Variants in NAALADL2 observed in about 807,000 individuals in gnomAD.
NAALADL2 encodes N-acetylated alpha-linked acidic dipeptidase like 2, also known as inactive N-acetylated-alpha-linked acidic dipeptidase-like protein 2.
Under a neutral mutation model 87.2 loss-of-function variants are expected in NAALADL2, and 76 were observed. The ratio of observed to expected loss-of-function variants is 0.87; its 90% CI spans 0.72 to 1.05. The LOEUF (loss-of-function observed/expected upper bound fraction) is 1.05. Among genes scored for constraint, NAALADL2 ranks in the 50% least tolerant of loss-of-function variants. NAALADL2 has a pLI of 0.00. For synonymous variants in NAALADL2, 354 were observed against 331.0 expected (o/e 1.07, Z -0.75); for missense variants, 1,089 against 945.8 (o/e 1.15, Z -1.99).
At chr3:175,173,239 C>G (rs181367400) in intron 2 of NAALADL2, among the ~76,000 whole-genome samples, 5 of 152,024 alleles carry the variant, frequency 3.3e-5, no homozygotes, top group African/African-American at 7.2e-5. Flanking sequence ...TTGCTGTGAG[C>G]TGAGATTGTG....
intron 9 of NAALADL2, among the ~76,000 whole-genome samples, chr3:175,521,456 G>C (rs1732646470): frequency 6.6e-6 from 1 of 151,948 alleles, no homozygotes; most frequent in African/African-American, 2.4e-5. Context: ...ATGCTAAGTG[G>C]TTAAGTATCT....
At chr3:175,481,471 T>C (rs1726460918) in intron 9 of NAALADL2, among the ~76,000 whole-genome samples, 2 of 151,560 alleles carry the variant, frequency 1.3e-5, no homozygotes, top group Admixed American at 6.6e-5. Context: ...CACCATAAAT[T>C]GATAGGTATT....
At chr3:175,765,133 C>A (rs1559986770) in intron 13 of NAALADL2, among the ~76,000 whole-genome samples, 1 of 151,994 alleles carries the variant, frequency 6.6e-6, no homozygotes, top group African/African-American at 2.4e-5. Flanking sequence ...ACCACTTGCA[C>A]AAAAGAATCT....
At position 174,906,674 on chromosome 3, in the gene NAALADL2, C is replaced by A. The variant is rs185827861; in HGVS notation, c.43+47224C>A. ...AACTCAGTCATGCTTCATATAAGAC[C>A]ACAGCTTCCAACAATTCCCCAACTG... is the stretch of plus-strand genomic sequence containing the variant. On this transcript the variant is annotated intron_variant, in intron 1 of 13. Transcript: ENST00000454872. Among the ~76,000 whole-genome samples, 218 of 152,180 alleles carry A rather than the reference C, an allele frequency of 1.4e-3. 1 individual carries two copies. The highest frequency in any genetic ancestry group is 5.0e-3 in the African/African-American group (207 of 41,512).
chr3:175,457,946 A>G (rs1293694608), intron 6 of NAALADL2, among the ~76,000 whole-genome samples: 1 of 152,026 alleles, frequency 6.6e-6, no homozygotes, highest in African/African-American at 2.4e-5. Flanking sequence ...ATTAGGATTT[A>G]TATTCATAAT....
intron 13 of NAALADL2, among the ~76,000 whole-genome samples, chr3:175,777,139 T>C (rs1174644514): frequency 1.3e-5 from 2 of 151,768 alleles, no homozygotes; most frequent in Non-Finnish European, 2.9e-5. Flanking sequence ...CTCTGGCAAG[T>C]TGGAAAAGGT....
At chr3:175,789,571 GC>G (rs1246064311) in intron 13 of NAALADL2, among the ~76,000 whole-genome samples, 1 of 152,134 alleles carries the variant, frequency 6.6e-6, no homozygotes, top group Non-Finnish European at 1.5e-5. Context: ...GGATTAGCAT[GC>G]CTGCCAGAAC....
intron 9 of NAALADL2, among the ~76,000 whole-genome samples, chr3:175,480,884 T>C (rs1726353782): frequency 6.6e-6 from 1 of 151,918 alleles, no homozygotes; most frequent in Admixed American, 6.6e-5. Flanking sequence ...AGAACTAACA[T>C]AGCTCCTTTT....
chr3:175,614,685 A>G lies in NAALADL2; in HGVS notation c.1801-12606A>G, dbSNP rs1339342905. 4.6e-5 allele frequency among the ~76,000 whole-genome samples: 7 copies of G among 152,212 alleles called. No individual in the cohort carries two copies. The East Asian group carries it at 1.3e-3, about 29-fold the overall frequency. Reference sequence around the variant, plus strand: ...TACTAACCTTCTAAGGCTATTTATTATTGAAGGAGAAGAATATTTGGATAT... The same window carrying G: ...TACTAACCTTCTAAGGCTATTTATTGTTGAAGGAGAAGAATATTTGGATAT... On this transcript the variant is annotated intron_variant, in intron 10 of 13. Coordinates refer to ENST00000454872, the MANE Select transcript of NAALADL2 (RefSeq NM_207015.3).
intron 1 of NAALADL2, among the ~76,000 whole-genome samples, chr3:174,881,177 G>T (rs1025494939): frequency 6.6e-6 from 1 of 152,054 alleles, no homozygotes; most frequent in African/African-American, 2.4e-5. Context: ...CCTTTGAGGA[G>T]CTGCCATTCA....
intron 11 of NAALADL2, among the ~76,000 whole-genome samples, chr3:175,717,478 G>A (rs1379369500): frequency 6.6e-6 from 1 of 152,130 alleles, no homozygotes; most frequent in African/African-American, 2.4e-5. Flanking sequence ...GATTGCTTGA[G>A]CCCAGGAGTT....
At chr3:175,692,125 G>A (rs1162831619) in intron 11 of NAALADL2, among the ~76,000 whole-genome samples, 1 of 151,902 alleles carries the variant, frequency 6.6e-6, no homozygotes, top group African/African-American at 2.4e-5. Context: ...GATGTTTGTA[G>A]GTTGTTTGTT....
chr3:175,556,186 G>T (rs1001235867), intron 9 of NAALADL2, among the ~76,000 whole-genome samples: 2 of 151,898 alleles, frequency 1.3e-5, no homozygotes, highest in African/African-American at 4.8e-5. Flanking sequence ...AGAAAATAAG[G>T]TTCAAACAAG....
chr3:175,192,226 T>A lies in NAALADL2; in HGVS notation c.546-41705T>A, dbSNP rs145301997. Among the ~76,000 whole-genome samples the A allele has an allele frequency of 1.5e-4, 23 of 152,166 alleles. No homozygotes were observed. In the East Asian group the frequency reaches 4.4e-3, roughly 29 times the overall value. ...TAGAGGAAAAATCTCAGAACTAACA[T>A]ATAGTTATTTATAAATAAAGTAAAG... On this transcript the variant is annotated intron_variant, in intron 2 of 13. Coordinates refer to ENST00000454872, the MANE Select transcript of NAALADL2 (RefSeq NM_207015.3).
chr3:174,623,386 A>G lies in NAALADL2; in HGVS notation c.-115+72749A>G, dbSNP rs552099625. ...TCTGACTGCCAATGGCACCATATACAGTAAGGGTTTGTGTGTGTAGGTTAG... is the reference window on the plus strand; with the variant it reads ...TCTGACTGCCAATGGCACCATATACGGTAAGGGTTTGTGTGTGTAGGTTAG... On this transcript the variant is annotated intron_variant, in intron 2 of 3. Coordinates refer to the NAALADL2 transcript ENST00000434257. 5.3e-5 allele frequency among the ~76,000 whole-genome samples: 8 copies of G among 152,280 alleles called. No individual in the cohort carries two copies. The East Asian group carries it at 1.4e-3, about 26-fold the overall frequency.
At position 174,634,522 on chromosome 3, in the gene NAALADL2, C is replaced by A. The variant is rs9809469; in HGVS notation, c.-115+83885C>A. ...AAAAAAAAATCGACTATTGAATATA[C>A]CCTACTCTCAAATACACTTATTTAC... On this transcript the variant is annotated intron_variant, in intron 2 of 3. Coordinates refer to the NAALADL2 transcript ENST00000434257. Among the ~76,000 whole-genome samples, 1,060 of 152,134 alleles carry A rather than the reference C, an allele frequency of 7.0e-3. 13 individuals are homozygous for A. Among genetic ancestry groups the A allele is most frequent in the African/African-American group, 0.024 (1,007 of 41,510 alleles).
chr3:174,663,048 A>G (rs904532014), intron 2 of NAALADL2, among the ~76,000 whole-genome samples: 2 of 152,182 alleles, frequency 1.3e-5, no homozygotes, highest in Admixed American at 6.5e-5. Context: ...TAATGTAACA[A>G]TTGTTTACAA....
intron 3 of NAALADL2, among the ~76,000 whole-genome samples, chr3:174,849,323 A>G (rs919417057): frequency 5.3e-5 from 8 of 152,196 alleles, no homozygotes; most frequent in Non-Finnish European, 8.8e-5. Context: ...AATAACATTC[A>G]GCTTAAAACA....
rs572500789 is a variant in NAALADL2 at position 174,511,742 on chromosome 3, T to C, written c.-183-38827T>C. Among the ~76,000 whole-genome samples the C allele has an allele frequency of 1.1e-4, 16 of 152,092 alleles. No homozygotes were observed. In the South Asian group the frequency reaches 3.3e-3, roughly 31 times the overall value. On this transcript the variant is annotated intron_variant, in intron 1 of 3. Coordinates refer to the NAALADL2 transcript ENST00000434257. The stretch of plus-strand genomic sequence containing the variant: ...TTTTCTTGTTACTGTCACCCTGTTT[T>C]TTCTTTCTTTTAGATAAAATGGACA...
Sources: allele counts gnomAD v4.1 joint callset (sites outside exome capture counted in the v4.1 genomes callset), GRCh38; gene constraint gnomAD v4.1.1; transcripts MANE v1.5; gene names NCBI Gene and HGNC (gene_info 2026-07-23, HGNC 2026-07-21).